The following MEIKIN variants were observed in gnomAD, a reference collection of about 807,000 sequenced individuals.
MEIKIN encodes the protein meiosis-specific kinetochore protein.
intron 12 of MEIKIN, among the ~76,000 whole-genome samples, chr5:131,808,599 G>T (rs1241132474): frequency 6.6e-6 from 1 of 152,158 alleles, no homozygotes; most frequent in Non-Finnish European, 1.5e-5. Flanking sequence ...TTGGGAATCT[G>T]CATTATTTAT....
chr5:131,940,266 G>A (rs1751847819), intron 4 of MEIKIN, among the ~76,000 whole-genome samples: 2 of 152,150 alleles, frequency 1.3e-5, no homozygotes, highest in Admixed American at 6.5e-5. Flanking sequence ...GGAGAGAAAA[G>A]CATTTCCTGA....
chr5:131,827,398 C>T (rs1304771412), intron 11 of MEIKIN, among the ~76,000 whole-genome samples: 1 of 152,062 alleles, frequency 6.6e-6, no homozygotes, highest in Non-Finnish European at 1.5e-5. Flanking sequence ...CCAAATGTAT[C>T]AATAATCACA....
intron 11 of MEIKIN, among the ~76,000 whole-genome samples, chr5:131,820,163 C>G (rs1008841404): frequency 6.6e-6 from 1 of 151,410 alleles, no homozygotes; most frequent in Non-Finnish European, 1.5e-5. Context: ...CCTCTGCCTC[C>G]CAGGTCCAAG....
chr5:131,818,696 T>A (rs1301231438), intron 12 of MEIKIN, 44 bp downstream of exon 12: 1 of 394,646 alleles, frequency 2.5e-6, no homozygotes, highest in Admixed American at 4.4e-5. Flanking sequence ...AAAAAAATGT[T>A]TTATATCATC....
chr5:131,903,936 G>GA lies in MEIKIN; in HGVS notation c.703+7878dup, dbSNP rs370584486. On this transcript the variant is annotated intron_variant, in intron 8 of 12. Transcript: ENST00000442687. ...ACTCACACACTCAAAGTAAAGGGAT[G>GA]AAAAAAAAATCTACCAAGCCAATTA... 7.8e-3 allele frequency among the ~76,000 whole-genome samples: 1,113 copies of GA among 142,070 alleles called. 15 individuals are homozygous for GA. The highest frequency in any genetic ancestry group is 0.028 in the African/African-American group (1,069 of 38,516). 93.2% of individuals were successfully genotyped at this position (142,070 alleles called of 152,430 possible).
intron 11 of MEIKIN, among the ~76,000 whole-genome samples, chr5:131,842,997 C>T (rs1364115860): frequency 6.6e-6 from 1 of 152,242 alleles, no homozygotes; most frequent in Non-Finnish European, 1.5e-5. Context: ...AACCTCAACT[C>T]TTGCCTTCTG....
At chr5:131,850,387 A>G (rs764883581) in intron 11 of MEIKIN, among the ~76,000 whole-genome samples, 4 of 152,180 alleles carry the variant, frequency 2.6e-5, no homozygotes, top group Non-Finnish European at 2.9e-5. Flanking sequence ...ACAAAAATGA[A>G]AAAGAAGAAC....
chr5:131,925,632 A>G (rs548527887), intron 5 of MEIKIN, among the ~76,000 whole-genome samples: 72 of 152,220 alleles, frequency 4.7e-4, no homozygotes, highest in Non-Finnish European at 8.5e-4. Context: ...ATTTTACCAA[A>G]TTCATTTAAT....
Position 131,884,173 on chromosome 5 carries a change from C to T in MEIKIN, c.704-5125G>A, listed in dbSNP as rs1044576273. 3.3e-5 allele frequency among the ~76,000 whole-genome samples: 5 copies of T among 152,064 alleles called. No individual in the cohort carries two copies. In the East Asian group the frequency reaches 7.8e-4, roughly 24 times the overall value. ...TGGGGTGGGCAGGGCGGGGTGGTGT[C>T]GGGGAGCGGGGATGTGACCTACTGG... is the stretch of plus-strand genomic sequence containing the variant. On this transcript the variant is annotated intron_variant, in intron 8 of 12. Transcript: ENST00000442687.
chr5:131,898,435 G>T (rs921565521), intron 8 of MEIKIN, among the ~76,000 whole-genome samples: 2 of 152,228 alleles, frequency 1.3e-5, no homozygotes, highest in Non-Finnish European at 2.9e-5. Context: ...ACGCTGTGCT[G>T]GGAGAACTGC....
At chr5:131,924,397 T>C (rs1370881648) in intron 5 of MEIKIN, among the ~76,000 whole-genome samples, 1 of 152,156 alleles carries the variant, frequency 6.6e-6, no homozygotes, top group Non-Finnish European at 1.5e-5. Context: ...GACACCTCCA[T>C]ACTGTTTCTA....
At chr5:131,920,993 C>T (rs186236699) in intron 6 of MEIKIN, among the ~76,000 whole-genome samples, 182 of 152,256 alleles carry the variant, frequency 1.2e-3, no homozygotes, top group African/African-American at 4.3e-3. Flanking sequence ...TCAGCCACTG[C>T]ACCCAGCCAT....
chr5:131,929,453 A>T (rs1751644801), intron 5 of MEIKIN, among the ~76,000 whole-genome samples: 1 of 152,186 alleles, frequency 6.6e-6, no homozygotes, highest in African/African-American at 2.4e-5. Flanking sequence ...ATAGTGGCTC[A>T]CAAGTCTCTT....
At chr5:131,892,606 A>T (rs946701107) in intron 8 of MEIKIN, among the ~76,000 whole-genome samples, 5 of 152,124 alleles carry the variant, frequency 3.3e-5, no homozygotes, top group African/African-American at 1.2e-4. Context: ...TATTCTAGTT[A>T]TCCATTCATC....
At chr5:131,928,037 G>T (rs1000624672) in intron 5 of MEIKIN, among the ~76,000 whole-genome samples, 2 of 151,626 alleles carry the variant, frequency 1.3e-5, no homozygotes, top group East Asian at 3.9e-4. Flanking sequence ...CCAGCTACAC[G>T]GGAGGCTGAG....
intron 11 of MEIKIN, among the ~76,000 whole-genome samples, chr5:131,822,197 A>T (rs1749520963): frequency 1.3e-5 from 2 of 152,146 alleles, no homozygotes; most frequent in African/African-American, 4.8e-5. Context: ...TGCTTCCTGT[A>T]GGCAACAGAT....
At chr5:131,832,806 T>C (rs1749737632) in intron 11 of MEIKIN, among the ~76,000 whole-genome samples, 1 of 152,236 alleles carries the variant, frequency 6.6e-6, no homozygotes, top group Non-Finnish European at 1.5e-5. Context: ...AAGCTCTGCG[T>C]TCACCCCTTT....
chr5:131,829,356 T>A (rs1043241496), intron 11 of MEIKIN, among the ~76,000 whole-genome samples: 37 of 152,274 alleles, frequency 2.4e-4, no homozygotes, highest in African/African-American at 8.2e-4. Context: ...GCTCCTAAAC[T>A]AAGGCAAAAA....
intron 9 of MEIKIN, among the ~76,000 whole-genome samples, chr5:131,874,733 G>A (rs954980439): frequency 1.3e-5 from 2 of 152,164 alleles, no homozygotes; most frequent in African/African-American, 2.4e-5. Flanking sequence ...GAACATTGAT[G>A]CAAAAATCCT....
Sources: allele counts gnomAD v4.1 joint callset (sites outside exome capture counted in the v4.1 genomes callset), GRCh38; gene constraint gnomAD v4.1.1; transcripts MANE v1.5; gene names NCBI Gene and HGNC (gene_info 2026-07-23, HGNC 2026-07-21).